Variants in PCDHGB7 observed in about 807,000 individuals in gnomAD.
PCDHGB7 encodes the protein protocadherin gamma-B7.
PCDHGB7 carries 37 observed loss-of-function variants against 61.4 expected under a neutral mutation model. The ratio of observed to expected loss-of-function variants is 0.60; its 90% CI spans 0.46 to 0.79. The LOEUF is 0.79. Among genes scored for constraint, PCDHGB7 ranks in the 30% least tolerant of loss-of-function variants. PCDHGB7 has a pLI of 0.00. For synonymous variants in PCDHGB7, 464 were observed against 503.5 expected (o/e 0.92, Z 1.05); for missense variants, 1,166 against 1,202.5 (o/e 0.97, Z 0.45).
rs2097400915 is a variant in PCDHGB7, at chr5:141,431,619, A to G, written c.2415+11345A>G. The stretch of plus-strand genomic sequence containing the variant: ...TATTCCTTCCGGTATGTGGACGACA[A>G]GGCGGCCCAAGTTTTCAAACTAGAT... On this transcript the variant is annotated intron_variant, in intron 1 of 3. Coordinates refer to ENST00000398594, the MANE Select transcript of PCDHGB7 (RefSeq NM_018927.4). The surrounding 1 kb of genome is among the most constrained non-coding windows in gnomAD (Gnocchi z 4.8). 3.1e-6 allele frequency: 5 copies of G among 1,614,230 alleles called. No homozygotes were observed. The highest frequency in any genetic ancestry group is 4.5e-5 in the East Asian group (2 of 44,880).
chr5:141,478,249 A>T, intron 1 of PCDHGB7: 1 of 1,614,110 alleles, frequency 6.2e-7, no homozygotes, highest in African/African-American at 1.3e-5. Context: ...CAGTGTTCGG[A>T]GTAATCATAT....
At chr5:141,463,629 GTT>G (rs923584581) in intron 1 of PCDHGB7, among the ~76,000 whole-genome samples, 5 of 151,314 alleles carry the variant, frequency 3.3e-5, no homozygotes, top group Middle Eastern at 3.4e-3. Flanking sequence ...TTTGTATTTT[GTT>G]TAGTAGAGAC....
intron 1 of PCDHGB7, chr5:141,426,612 G>A (rs2096947310): frequency 2.6e-6 from 1 of 384,602 alleles, no homozygotes; most frequent in Non-Finnish European, 5.3e-6. Flanking sequence ...GATTGTAGCA[G>A]AGAATCCTCT....
intron 1 of PCDHGB7, among the ~76,000 whole-genome samples, chr5:141,469,522 C>T (rs1409427974): frequency 2.6e-5 from 4 of 152,088 alleles, no homozygotes; most frequent in African/African-American, 9.7e-5. Flanking sequence ...TTGCAGTGAG[C>T]CAAGATTGTG....
At chr5:141,427,087 A>G (rs1338132084) in intron 1 of PCDHGB7, 1 of 458,198 alleles carries the variant, frequency 2.2e-6, no homozygotes, top group Non-Finnish European at 4.4e-6. Flanking sequence ...ACTGACCAGG[A>G]TGAGGGTGTC....
At chr5:141,503,230 G>A (rs911238781) in intron 2 of PCDHGB7, among the ~76,000 whole-genome samples, 1 of 152,006 alleles carries the variant, frequency 6.6e-6, no homozygotes, top group African/African-American at 2.4e-5. Context: ...CCGTAAAGAT[G>A]GACAGTTTCT....
Position 141,477,689 on chromosome 5 carries a change from C to T in PCDHGB7, c.2416-17118C>T. The T allele has an allele frequency of 6.2e-7, 1 of 1,614,156 alleles. No individual in the cohort carries two copies. The highest frequency in any genetic ancestry group is 8.5e-7 in the Non-Finnish European group (1 of 1,180,024). ...TGGCATAGTGTCATCCTTAGTGCCC[C>T]TAGACTATGAGGATCGGCGGGAATT... On this transcript the variant is annotated intron_variant, in intron 1 of 3. Transcript: ENST00000398594. This position sits in a 1 kb window ranked among gnomAD's most constrained non-coding sequence, Gnocchi z 4.9.
chr5:141,476,023 G>T lies in PCDHGB7; in HGVS notation c.2416-18784G>T. On this transcript the variant is annotated intron_variant, in intron 1 of 3. Coordinates refer to ENST00000398594, the MANE Select transcript of PCDHGB7 (RefSeq NM_018927.4). The surrounding 1 kb of genome is among the most constrained non-coding windows in gnomAD (Gnocchi z 7.6). Reference sequence around the variant, plus strand: ...CATCCAGAAAGCCATGTCGGACTCGGCGCCCAGCGCCCAAGCGCTAACCCG... The same window carrying T: ...CATCCAGAAAGCCATGTCGGACTCGTCGCCCAGCGCCCAAGCGCTAACCCG... The T allele has an allele frequency of 7.1e-7, 1 of 1,415,690 alleles. No individual in the cohort carries two copies. Among genetic ancestry groups the T allele is most frequent in the Non-Finnish European group, 9.5e-7 (1 of 1,057,324 alleles). 87.7% of individuals were successfully genotyped at this position (1,415,690 alleles called of 1,614,324 possible).
chr5:141,499,457 T>G (rs1000400491), intron 2 of PCDHGB7, among the ~76,000 whole-genome samples: 1 of 152,214 alleles, frequency 6.6e-6, no homozygotes, highest in African/African-American at 2.4e-5. Context: ...CCCATCATTT[T>G]ACAATCTAGG....
At chr5:141,505,239 G>A (rs2099844708) in intron 2 of PCDHGB7, 154 bp from the exon 3 acceptor site, 1 of 886,092 alleles carries the variant, frequency 1.1e-6, no homozygotes, top group Middle Eastern at 5.9e-4. Context: ...GCTTCTGAAG[G>A]ATTGTAGAAG....
chr5:141,447,648 T>A (rs1262852729), intron 1 of PCDHGB7, among the ~76,000 whole-genome samples: 3 of 152,164 alleles, frequency 2.0e-5, no homozygotes, highest in African/African-American at 4.8e-5. Flanking sequence ...ATGGTAGAAT[T>A]TTCCCCCCCA....
intron 1 of PCDHGB7, chr5:141,478,429 G>C: frequency 6.2e-7 from 1 of 1,613,674 alleles, no homozygotes; most frequent in Non-Finnish European, 8.5e-7. Flanking sequence ...GCAGCGACCC[G>C]CTGCTGAAGA....
intron 1 of PCDHGB7, among the ~76,000 whole-genome samples, chr5:141,443,191 A>G (rs2098371862): frequency 6.6e-6 from 1 of 152,122 alleles, no homozygotes; most frequent in Non-Finnish European, 1.5e-5. Flanking sequence ...CATTCTCTAT[A>G]GTACAAAGAG....
In PCDHGB7 at chr5:141,476,651, T is replaced by C. The variant is rs1355056895; in HGVS notation, c.2416-18156T>C. On this transcript the variant is annotated intron_variant, in intron 1 of 3. Coordinates refer to ENST00000398594, the MANE Select transcript of PCDHGB7 (RefSeq NM_018927.4). This position sits in a 1 kb window ranked among gnomAD's most constrained non-coding sequence, Gnocchi z 7.6. ...AACCTATGAGCTGAGCCGAAATGAA[T>C]ACTTTGCGCTTCGCGTGCAGACGCG... is the stretch of plus-strand genomic sequence containing the variant. The C allele has an allele frequency of 3.7e-6, 6 of 1,614,118 alleles. No individual in the cohort carries two copies. Among genetic ancestry groups the C allele is most frequent in the Non-Finnish European group, 5.1e-6 (6 of 1,180,050 alleles).
chr5:141,482,967 AGCAGCTACTT>A (rs2099575323), intron 1 of PCDHGB7, among the ~76,000 whole-genome samples: 1 of 58,122 alleles, frequency 1.7e-5, no homozygotes, highest in African/African-American at 2.6e-4. Flanking sequence ...CAGCTACTTG[AGCAGCTACTT>A]GAGAGGTCGA....
Position 141,476,538 on chromosome 5 carries a change from A to G in PCDHGB7, c.2416-18269A>G, listed in dbSNP as rs2099393283. ...CCTGCTTTCCCTACCCAGGAAATGAAATTGGAGATTAGCGAGGCCGTGGCT... is the reference window on the plus strand; with the variant it reads ...CCTGCTTTCCCTACCCAGGAAATGAGATTGGAGATTAGCGAGGCCGTGGCT... On this transcript the variant is annotated intron_variant, in intron 1 of 3. Coordinates refer to ENST00000398594, the MANE Select transcript of PCDHGB7 (RefSeq NM_018927.4). The surrounding 1 kb of genome is among the most constrained non-coding windows in gnomAD (Gnocchi z 7.6). 1.2e-6 allele frequency: 2 copies of G among 1,614,162 alleles called. No homozygotes were observed. Among genetic ancestry groups the G allele is most frequent in the Non-Finnish European group, 1.7e-6 (2 of 1,180,042 alleles).
chr5:141,490,232 A>G lies in PCDHGB7; in HGVS notation c.2416-4575A>G. 6.2e-7 allele frequency: 1 copy of G among 1,614,216 alleles called. No homozygotes were observed. Among genetic ancestry groups the G allele is most frequent in the Non-Finnish European group, 8.5e-7 (1 of 1,180,032 alleles). ...CGTGACCAGGGACAGCCTGCCATGG[A>G]GGGCCACTGTGTGATTCAAGTGGAT... On this transcript the variant is annotated intron_variant, in intron 1 of 3. Transcript: ENST00000398594. This position sits in a 1 kb window ranked among gnomAD's most constrained non-coding sequence, Gnocchi z 5.4.
chr5:141,510,898 T>G (rs1393880610), intron 3 of PCDHGB7, 49 bp from the exon 4 acceptor site: 1 of 1,613,278 alleles, frequency 6.2e-7, no homozygotes, highest in East Asian at 2.2e-5. Context: ...ACAGTGACTG[T>G]TGAGGACCCT....
chr5:141,494,903 G>A (rs760748707), intron 2 of PCDHGB7, 38 bp downstream of exon 2: 39 of 1,613,894 alleles, frequency 2.4e-5, no homozygotes, highest in Non-Finnish European at 3.1e-5. Context: ...TCTTCTCTGC[G>A]GCATTTTCTC....
Sources: allele counts gnomAD v4.1 joint callset (sites outside exome capture counted in the v4.1 genomes callset), GRCh38; gene constraint gnomAD v4.1.1; non-coding constraint Gnocchi (gnomAD v3.1); transcripts MANE v1.5; gene names NCBI Gene and HGNC (gene_info 2026-07-23, HGNC 2026-07-21).